The following ERC2 variants were observed in gnomAD, a reference collection of about 807,000 sequenced individuals.
ERC2 encodes ERC protein 2.
ERC2 carries 42 observed loss-of-function variants against 114.8 expected under a neutral mutation model. The ratio of observed to expected loss-of-function variants is 0.37; its 90% CI spans 0.29 to 0.47. ERC2 has a LOEUF of 0.47. Ranked by LOEUF, ERC2 falls within the 20% of genes least tolerant of loss-of-function variation. The pLI is 0.99. For missense variants in ERC2, 939 were observed against 1,150.7 expected (o/e 0.82, Z 2.66); for synonymous variants, 454 against 425.5 (o/e 1.07, Z -0.82).
chr3:55,785,427 G>C (rs1348780215), intron 14 of ERC2, among the ~76,000 whole-genome samples: 1 of 152,152 alleles, frequency 6.6e-6, no homozygotes, highest in Non-Finnish European at 1.5e-5. Flanking sequence ...TCCATCCCTT[G>C]CTGTAATTTT....
intron 7 of ERC2, among the ~76,000 whole-genome samples, chr3:56,062,722 A>C (rs944459993): frequency 2.6e-5 from 4 of 152,082 alleles, no homozygotes; most frequent in Non-Finnish European, 4.4e-5. Context: ...GTATACCACC[A>C]GAATTGTTGA....
At chr3:56,299,281 T>C (rs56229179) in intron 2 of ERC2, among the ~76,000 whole-genome samples, 49,754 of 148,746 alleles carry the variant, frequency 0.33, 8,374 homozygotes, top group Admixed American at 0.35. Flanking sequence ...GTGCCCGCCA[T>C]CACGCCCAGC....
intron 2 of ERC2, among the ~76,000 whole-genome samples, chr3:56,341,162 G>T (rs1193332752): frequency 6.6e-6 from 1 of 152,158 alleles, no homozygotes; most frequent in Non-Finnish European, 1.5e-5. Flanking sequence ...ACAGGTCATG[G>T]TTATTTTAAA....
chr3:55,952,179 A>ACACTCTCT (rs1390539850), intron 12 of ERC2, among the ~76,000 whole-genome samples: 2 of 62,098 alleles, frequency 3.2e-5, no homozygotes, highest in African/African-American at 5.5e-5. Flanking sequence ...ACACACACAC[A>ACACTCTCT]CTCTCTCTCT....
intron 2 of ERC2, among the ~76,000 whole-genome samples, chr3:56,313,202 G>T (rs2056698190): frequency 6.7e-6 from 1 of 150,190 alleles, no homozygotes; most frequent in Non-Finnish European, 1.5e-5. Flanking sequence ...ATGGGGAAAT[G>T]ACTGCTAAAG....
intron 1 of ERC2, among the ~76,000 whole-genome samples, chr3:56,439,845 A>C (rs2062206973): frequency 6.6e-6 from 1 of 152,094 alleles, no homozygotes; most frequent in Non-Finnish European, 1.5e-5. Flanking sequence ...ATATTCCAGA[A>C]TTCTATGTAT....
At chr3:55,636,128 G>A (rs1227930636) in intron 17 of ERC2, among the ~76,000 whole-genome samples, 2 of 151,884 alleles carry the variant, frequency 1.3e-5, no homozygotes, top group East Asian at 1.9e-4. Context: ...CGCCCACCTC[G>A]GCCTCCCAAA....
At chr3:55,647,877 C>T (rs2060459573) in intron 17 of ERC2, among the ~76,000 whole-genome samples, 1 of 152,236 alleles carries the variant, frequency 6.6e-6, no homozygotes, top group Admixed American at 6.5e-5. Flanking sequence ...GGCTGTGGTC[C>T]TGCTGCAGCC....
At chr3:56,050,924 A>G (rs1212581305) in intron 7 of ERC2, among the ~76,000 whole-genome samples, 2 of 152,214 alleles carry the variant, frequency 1.3e-5, no homozygotes, top group Non-Finnish European at 2.9e-5. Context: ...GGTAGGCAGA[A>G]GCAGCTCTGG....
intron 7 of ERC2, among the ~76,000 whole-genome samples, chr3:56,065,277 G>A (rs1016356199): frequency 2.0e-5 from 3 of 151,782 alleles, no homozygotes; most frequent in African/African-American, 7.3e-5. Flanking sequence ...AGGCTTCAGC[G>A]AGTGTCATGA....
At chr3:56,345,267 C>T (rs1037176486) in intron 2 of ERC2, among the ~76,000 whole-genome samples, 6 of 152,136 alleles carry the variant, frequency 3.9e-5, no homozygotes, top group Non-Finnish European at 7.3e-5. Flanking sequence ...TTCAATCATT[C>T]GTTCAACAGC....
At chr3:56,019,857 T>C (rs1421873966) in intron 7 of ERC2, among the ~76,000 whole-genome samples, 1 of 152,142 alleles carries the variant, frequency 6.6e-6, no homozygotes, top group Non-Finnish European at 1.5e-5. Context: ...AGCCCCACTA[T>C]ACAAACAATT....
chr3:56,076,200 C>A lies in ERC2; in HGVS notation c.1641+4617G>T, dbSNP rs144930403. On this transcript the variant is annotated intron_variant, in intron 7 of 17. Transcript: ENST00000288221. ...TTTTCTACCTTTAATAAATAAAGTA[C>A]CTCTGCTCTATAAATTCACATTGTT... 2.3e-3 allele frequency among the ~76,000 whole-genome samples: 343 copies of A among 152,216 alleles called. 5 individuals carry two copies. The highest frequency in any genetic ancestry group is 5.4e-3 in the South Asian group (26 of 4,822).
intron 2 of ERC2, among the ~76,000 whole-genome samples, chr3:56,375,213 AG>A (rs1474924636): frequency 6.6e-6 from 1 of 152,192 alleles, no homozygotes; most frequent in Non-Finnish European, 1.5e-5. Context: ...AGAATCCTGG[AG>A]CCAGGGCTAA....
chr3:56,143,432 T>C (rs552157883), intron 5 of ERC2, among the ~76,000 whole-genome samples: 1 of 152,170 alleles, frequency 6.6e-6, no homozygotes, highest in Non-Finnish European at 1.5e-5. Context: ...AATTGAATCA[T>C]GGGGGAGGGG....
intron 14 of ERC2, among the ~76,000 whole-genome samples, chr3:55,782,174 A>T (rs544922221): frequency 6.6e-6 from 1 of 152,104 alleles, no homozygotes; most frequent in Admixed American, 6.5e-5. Flanking sequence ...TGCAGGAGAG[A>T]CAGCCCACTG....
At chr3:56,019,552 C>A (rs915511577) in intron 7 of ERC2, among the ~76,000 whole-genome samples, 1 of 152,118 alleles carries the variant, frequency 6.6e-6, no homozygotes, top group Non-Finnish European at 1.5e-5. Flanking sequence ...TTCAAAGTAA[C>A]CACATGAAAA....
At chr3:56,258,830 A>G (rs1302357254) in intron 3 of ERC2, among the ~76,000 whole-genome samples, 1 of 152,216 alleles carries the variant, frequency 6.6e-6, no homozygotes, top group Non-Finnish European at 1.5e-5. Context: ...CCCAAACTCC[A>G]CTTTGTACAA....
intron 7 of ERC2, among the ~76,000 whole-genome samples, chr3:56,048,352 C>A (rs2075583413): frequency 6.6e-6 from 1 of 152,150 alleles, no homozygotes; most frequent in Admixed American, 6.5e-5. Flanking sequence ...GGTCACATTG[C>A]TACAAGACAG....
Sources: allele counts gnomAD v4.1 joint callset (sites outside exome capture counted in the v4.1 genomes callset), GRCh38; gene constraint gnomAD v4.1.1; transcripts MANE v1.5; gene names NCBI Gene and HGNC (gene_info 2026-07-23, HGNC 2026-07-21).